CECR2: variants seen among roughly 807,000 people sequenced by gnomAD.
CECR2 encodes CECR2 histone acetyl-lysine reader, also known as chromatin remodeling regulator CECR2.
CECR2 carries 30 observed loss-of-function variants against 154.5 expected under a neutral mutation model. The observed-to-expected ratio is 0.19, with a 90% CI of 0.15 to 0.26. The LOEUF is 0.26. Ranked by LOEUF, CECR2 falls within the 10% of genes least tolerant of loss-of-function variation. The pLI, the probability that CECR2 is intolerant of heterozygous loss-of-function variation, is 1.00. For missense variants in CECR2, 1,743 were observed against 1,829.3 expected, an observed-to-expected ratio of 0.95 and a Z score of 0.86; for synonymous variants, 725 against 683.7, an observed-to-expected ratio of 1.06 and a Z score of -0.94.
At position 17,499,508 on chromosome 22, in the gene CECR2, C is replaced by A; in HGVS notation, c.504C>A (p.Asp168Glu). ...ATGGAACACGAATGTACAAAGAGGA[C>A]CCGGTGCAAGGAAAATCCAATGGAG... ...YFYGTRMYKE[D>E]PVQGKSNGEL... The change falls in exon 4 of 19, where the codon GAC becomes GAA. Residue 168 changes from aspartate (D) to glutamate (E), a missense_variant. By Grantham distance (45) the Asp-to-Glu change is conservative. Coordinates refer to ENST00000262608, the MANE Select transcript of CECR2 (RefSeq NM_001290047.2). 1.2e-6 allele frequency: 2 copies of A among 1,613,364 alleles called. No homozygotes were observed. Among genetic ancestry groups the A allele is most frequent in the Non-Finnish European group, 1.7e-6 (2 of 1,179,658 alleles).
chr22:17,497,854 A>G (rs1207802067), intron 3 of CECR2, among the ~76,000 whole-genome samples: 2 of 152,332 alleles, frequency 1.3e-5, no homozygotes, highest in African/African-American at 2.4e-5. Flanking sequence ...CCTATCTGCA[A>G]TAGGTACAAC....
chr22:17,479,027 GT>G (rs11462854), intron 2 of CECR2, among the ~76,000 whole-genome samples: 47,576 of 151,938 alleles, frequency 0.31, 7,557 homozygotes, highest in South Asian at 0.36. Flanking sequence ...ATAGCAATCA[GT>G]TTTCTTATAA....
At position 17,447,630 on chromosome 22, in the gene CECR2, C is replaced by T. The variant is rs767899943; in HGVS notation, c.127-29958C>T. Among the ~76,000 whole-genome samples, 189 of 148,344 alleles carry T rather than the reference C, an allele frequency of 1.3e-3. 4 individuals carry two copies. In the Middle Eastern group the frequency reaches 0.035, roughly 27 times the overall value. On this transcript the variant is annotated intron_variant, in intron 1 of 18. Coordinates refer to ENST00000262608, the MANE Select transcript of CECR2 (RefSeq NM_001290047.2). ...AATAAAATAAAATCACATATTATGCCTGAGTCCCATGCCCAGAGACTTAAA... is the reference window on the plus strand; with the variant it reads ...AATAAAATAAAATCACATATTATGCTTGAGTCCCATGCCCAGAGACTTAAA...
In CECR2 at chr22:17,553,984, A is replaced by AT. The variant is rs1423299341; in HGVS notation, c.*1147dup. ...AGATTTACAGTTTGAATTTAGGAAT[A>AT]TTTCAGTATATATAGTTTTTATTCG... On this transcript the variant is annotated 3_prime_UTR_variant, in exon 19 of 19. Coordinates refer to ENST00000262608, the MANE Select transcript of CECR2 (RefSeq NM_001290047.2). 1 of 152,220 alleles carries AT rather than the reference A, an allele frequency of 6.6e-6. No homozygotes were observed. The highest frequency in any genetic ancestry group is 1.9e-4 in the East Asian group (1 of 5,208). The allele number at this position is 152,220 out of a possible 1,614,324, so 9.4% of individuals were successfully genotyped here.
At chr22:17,508,015 C>T (rs1018980011) in intron 7 of CECR2, among the ~76,000 whole-genome samples, 1 of 152,138 alleles carries the variant, frequency 6.6e-6, no homozygotes. Flanking sequence ...CTACTCTGTT[C>T]GTTCTGATAT....
rs1234088205 is a variant in CECR2, at chr22:17,548,612, A to T, written c.3325A>T (p.Thr1109Ser). 4 of 1,613,244 alleles carry T rather than the reference A, an allele frequency of 2.5e-6. No individual in the cohort carries two copies. Among genetic ancestry groups the T allele is most frequent in the Non-Finnish European group, 3.4e-6 (4 of 1,179,640 alleles). Reference protein sequence around the residue: ...ATPPSTDPGLTGGTVSQFPPL... With the variant: ...ATPPSTDPGLSGGTVSQFPPL... ...ACCGCCCAGCACAGACCCCGGTTTGACGGGAGGCACTGTGAGCCAGTTTCC... is the reference window on the plus strand; with the variant it reads ...ACCGCCCAGCACAGACCCCGGTTTGTCGGGAGGCACTGTGAGCCAGTTTCC... Residue 1109 changes from threonine to serine, a missense_variant, in exon 17 of 19, where the codon ACG becomes TCG. Transcript: ENST00000262608.
Position 17,431,751 on chromosome 22 carries a change from G to A in CECR2, c.127-45837G>A, listed in dbSNP as rs115930922. 6.3e-3 allele frequency among the ~76,000 whole-genome samples: 908 copies of A among 143,466 alleles called. 7 individuals carry two copies. Among genetic ancestry groups the A allele is most frequent in the African/African-American group, 0.021 (798 of 37,680 alleles). 94.1% of individuals were successfully genotyped at this position (143,466 alleles called of 152,430 possible). ...TGATGCGTGTTGTAACATCAAACAC[G>A]TTTTCTAGTATCCCTCGTATTTTTT... On this transcript the variant is annotated intron_variant, in intron 1 of 18. Coordinates refer to ENST00000262608, the MANE Select transcript of CECR2 (RefSeq NM_001290047.2).
chr22:17,371,323 A>G (rs1358523879), intron 1 of CECR2, among the ~76,000 whole-genome samples: 1 of 152,234 alleles, frequency 6.6e-6, no homozygotes, highest in Non-Finnish European at 1.5e-5. Context: ...CCTTAAGCTG[A>G]TTAAAACAAT....
chr22:17,511,304 G>A (rs574161732), intron 7 of CECR2, among the ~76,000 whole-genome samples: 1 of 152,122 alleles, frequency 6.6e-6, no homozygotes, highest in African/African-American at 2.4e-5. Context: ...GCATTTCCTT[G>A]GCACTCACCG....
chr22:17,526,808 C>CAAAA (rs34800488), intron 9 of CECR2, among the ~76,000 whole-genome samples: 18 of 71,638 alleles, frequency 2.5e-4, no homozygotes, highest in Non-Finnish European at 3.2e-4. Context: ...GACTCCATCT[C>CAAAA]AAAAAAAAAA....
chr22:17,484,495 C>T (rs1023148962), intron 2 of CECR2, among the ~76,000 whole-genome samples: 1 of 152,090 alleles, frequency 6.6e-6, no homozygotes, highest in East Asian at 1.9e-4. Context: ...TTTCACCTGC[C>T]AGGAAAGACT....
chr22:17,478,208 A>G (rs2055242971), intron 2 of CECR2, among the ~76,000 whole-genome samples: 1 of 152,148 alleles, frequency 6.6e-6, no homozygotes. Flanking sequence ...TTTCTTTGCT[A>G]TGTGTCTATA....
At chr22:17,479,700 A>G (rs1569108692) in intron 2 of CECR2, among the ~76,000 whole-genome samples, 1 of 151,882 alleles carries the variant, frequency 6.6e-6, no homozygotes, top group Non-Finnish European at 1.5e-5. Flanking sequence ...TAATCATTCT[A>G]ACTAGAATCA....
At chr22:17,506,291 T>C (rs1216369610) in intron 7 of CECR2, among the ~76,000 whole-genome samples, 8 of 152,028 alleles carry the variant, frequency 5.3e-5, no homozygotes, top group Admixed American at 2.0e-4. Context: ...CACGCCTGGC[T>C]AATCTTTTAA....
chr22:17,484,551 A>G (rs2055386801), intron 2 of CECR2, among the ~76,000 whole-genome samples: 1 of 152,110 alleles, frequency 6.6e-6, no homozygotes, highest in African/African-American at 2.4e-5. Flanking sequence ...CCACCATTAA[A>G]AAATATAAAA....
intron 1 of CECR2, among the ~76,000 whole-genome samples, chr22:17,425,063 G>A (rs962629026): frequency 6.6e-6 from 1 of 152,132 alleles, no homozygotes; most frequent in Non-Finnish European, 1.5e-5. Context: ...CGTTAACTAT[G>A]CATTTACTTG....
At chr22:17,397,335 T>C (rs1363190506) in intron 1 of CECR2, among the ~76,000 whole-genome samples, 1 of 152,056 alleles carries the variant, frequency 6.6e-6, no homozygotes, top group Admixed American at 6.6e-5. Flanking sequence ...AGGCGTGGTT[T>C]CAGCCAGGCT....
intron 8 of CECR2, among the ~76,000 whole-genome samples, chr22:17,517,851 ATTC>A (rs541116704): frequency 1.6e-4 from 25 of 152,226 alleles, no homozygotes; most frequent in Non-Finnish European, 3.1e-4. Flanking sequence ...CATTGCGTTT[ATTC>A]TTCATTTACC....
At chr22:17,450,163 C>T (rs5747158) in intron 1 of CECR2, among the ~76,000 whole-genome samples, 45,293 of 152,154 alleles carry the variant, frequency 0.3, 9,615 homozygotes, top group African/African-American at 0.57. Flanking sequence ...AACAGGGAAT[C>T]TGAACAGTCT....
Sources: gnomAD v4.1 joint callset for allele counts (sites outside exome capture counted in the v4.1 genomes callset) on GRCh38, gnomAD v4.1.1 for gene constraint, MANE v1.5 for transcripts, NCBI Gene and HGNC (gene_info 2026-07-23, HGNC 2026-07-21) for gene names.